Variants in JADE3 observed in about 807,000 individuals in gnomAD.
The protein encoded by JADE3 is jade family PHD finger 3.
Under a neutral mutation model 50.1 loss-of-function variants are expected in JADE3, and 2 were observed. That is an observed-to-expected ratio of 0.04 (90% CI 0.02 to 0.13). JADE3 has a LOEUF of 0.13. Among genes scored for constraint, JADE3 ranks in the 10% least tolerant of loss-of-function variants. The probability of loss-of-function intolerance (pLI) is 1.00; values close to 1 mark genes in which losing one functional copy is unlikely to be tolerated. For missense variants in JADE3, 475 were observed against 634.4 expected (o/e 0.75, Z 2.70); for synonymous variants, 218 against 232.9 (o/e 0.94, Z 0.58).
chrX:46,997,593 A>G (rs782589714), intron 3 of JADE3, among the ~76,000 whole-genome samples: 2 of 112,256 alleles, frequency 1.8e-5, no homozygotes, highest in East Asian at 5.6e-4. Context: ...AATTCTATAC[A>G]TTAGTTAATA....
rs57326068 is a variant in JADE3 at position 46,981,500 on chromosome X, C to T, written c.-11-3384C>T. On this transcript the variant is annotated intron_variant, in intron 1 of 10. Coordinates refer to ENST00000614628, the MANE Select transcript of JADE3 (RefSeq NM_014735.5). ...TTTAATAGGAAGTGTCTTGTTGTTA[C>T]TGTTGGTTTTGTTTGCGTTTCAGAA... Among the ~76,000 whole-genome samples the T allele has an allele frequency of 4.1e-3, 457 of 111,782 alleles. 15 individuals are homozygous for T. The East Asian group carries it at 0.11, about 28-fold the overall frequency.
chrX:47,058,139 T>TA (rs1556373738), intron 10 of JADE3, 28 bp from the exon 11 acceptor site: 1 of 1,164,759 alleles, frequency 8.6e-7, no homozygotes, highest in Non-Finnish European at 1.2e-6. Context: ...AATCGGTTGT[T>TA]AAAACGAATC....
intron 8 of JADE3, among the ~76,000 whole-genome samples, chrX:47,044,226 A>T (rs905180589): frequency 9.7e-6 from 1 of 103,184 alleles, no homozygotes; most frequent in Non-Finnish European, 2.0e-5. Context: ...ACCTCAAGAC[A>T]TGTAATAATC....
chrX:47,031,235 G>C (rs58928265), intron 6 of JADE3, among the ~76,000 whole-genome samples: 6,590 of 111,164 alleles, frequency 0.059, 474 homozygotes, highest in African/African-American at 0.2. Flanking sequence ...CAGTCTGAAA[G>C]AGACTCTATT....
rs1482491018 is a variant in JADE3 at position 47,011,806 on chromosome X, G to A, written c.285-12918G>A. On this transcript the variant is annotated intron_variant, in intron 4 of 10. Transcript: ENST00000614628. The stretch of plus-strand genomic sequence containing the variant: ...CTAATGATGTTGAACAGCTTTTCTC[G>A]ATGTCCTTCTTAGCCATTTATATAT... 5.4e-5 allele frequency among the ~76,000 whole-genome samples: 6 copies of A among 111,498 alleles called. No individual in the cohort carries two copies. In the South Asian group the frequency reaches 1.1e-3, roughly 21 times the overall value.
intron 4 of JADE3, among the ~76,000 whole-genome samples, chrX:47,000,695 G>C (rs994531819): frequency 9.0e-6 from 1 of 110,872 alleles, no homozygotes; most frequent in Non-Finnish European, 1.9e-5. Context: ...TGGGGTTACA[G>C]GCATGTGCCA....
intron 1 of JADE3, among the ~76,000 whole-genome samples, chrX:46,973,777 G>C (rs1283890994): frequency 2.7e-5 from 3 of 112,558 alleles, no homozygotes; most frequent in African/African-American, 9.7e-5. Context: ...TAGCATTCAT[G>C]ACTTCTATTT....
chrX:47,058,682 G>A lies in JADE3; in HGVS notation c.2077G>A (p.Val693Met). The change falls in exon 11 of 11, where the codon GTG becomes ATG. Residue 693 changes from valine (V) to methionine (M), a missense_variant. Coordinates refer to ENST00000614628, the MANE Select transcript of JADE3 (RefSeq NM_014735.5). ...SSEMFCDQEP[V>M]FSPHLVSQGS... ...TGAGATGTTCTGTGACCAGGAGCCT[G>A]TGTTCAGCCCCCACTTGGTCAGTCA... 1 of 1,211,658 alleles carries A rather than the reference G, an allele frequency of 8.3e-7. No individual in the cohort carries two copies. Among genetic ancestry groups the A allele is most frequent in the Non-Finnish European group, 1.1e-6 (1 of 895,449 alleles).
At chrX:46,928,739 A>G (rs1926427227) in intron 1 of JADE3, among the ~76,000 whole-genome samples, 2 of 111,144 alleles carry the variant, frequency 1.8e-5, no homozygotes, top group South Asian at 7.6e-4. Context: ...GCACACCACC[A>G]TGCCTAGCTA....
chrX:46,999,588 T>C (rs1445011865), intron 4 of JADE3, among the ~76,000 whole-genome samples: 3 of 108,135 alleles, frequency 2.8e-5, no homozygotes, highest in Non-Finnish European at 5.7e-5. Context: ...TGTAAATGCA[T>C]AAACCCAAAT....
At chrX:46,988,124 C>T (rs1332730658) in intron 3 of JADE3, among the ~76,000 whole-genome samples, 4 of 111,848 alleles carry the variant, frequency 3.6e-5, no homozygotes, top group Non-Finnish European at 5.6e-5. Context: ...AATTATGAGA[C>T]TCTCCTTGGA....
intron 1 of JADE3, among the ~76,000 whole-genome samples, chrX:46,965,293 T>G (rs1927344108): frequency 9.0e-6 from 1 of 111,489 alleles, no homozygotes; most frequent in South Asian, 3.8e-4. Context: ...ATGTTGCTTC[T>G]GTTCAGAGTG....
intron 8 of JADE3, among the ~76,000 whole-genome samples, chrX:47,046,260 C>CA (rs1556370638): frequency 1.8e-5 from 2 of 111,382 alleles, no homozygotes; most frequent in African/African-American, 6.5e-5. Flanking sequence ...CTATATATGC[C>CA]AACAAACTGG....
intron 1 of JADE3, among the ~76,000 whole-genome samples, chrX:46,969,607 C>T (rs1263819766): frequency 8.9e-5 from 10 of 112,061 alleles, no homozygotes; most frequent in Non-Finnish European, 1.9e-4. Context: ...GAGGCCAAGG[C>T]GGACAGATCA....
chrX:47,003,621 A>G (rs868932473), intron 4 of JADE3, among the ~76,000 whole-genome samples: 1 of 101,112 alleles, frequency 9.9e-6, no homozygotes, highest in African/African-American at 3.6e-5. Context: ...ATATATATAA[A>G]TTTATATATT....
intron 1 of JADE3, among the ~76,000 whole-genome samples, chrX:46,943,644 C>G (rs1452467373): frequency 9.0e-6 from 1 of 111,552 alleles, no homozygotes; most frequent in African/African-American, 3.3e-5. Flanking sequence ...TTTTTGTCTA[C>G]CTTCATCAGG....
chrX:46,946,348 T>C (rs1254211791), intron 1 of JADE3, among the ~76,000 whole-genome samples: 2 of 111,251 alleles, frequency 1.8e-5, no homozygotes, highest in African/African-American at 6.6e-5. Context: ...GTTGGCAGGA[T>C]GGGGGTGGGG....
intron 1 of JADE3, among the ~76,000 whole-genome samples, chrX:46,952,953 G>A (rs1352774050): frequency 9.1e-6 from 1 of 109,621 alleles, no homozygotes; most frequent in East Asian, 2.9e-4. Flanking sequence ...AGCCAATATC[G>A]CTGCAGTCCA....
intron 8 of JADE3, among the ~76,000 whole-genome samples, chrX:47,048,020 A>G (rs782408424): frequency 2.1e-4 from 24 of 111,861 alleles, no homozygotes; most frequent in Non-Finnish European, 4.3e-4. Context: ...GCAGCAATGT[A>G]TAATACACAT....
Sources: allele counts gnomAD v4.1 joint callset (sites outside exome capture counted in the v4.1 genomes callset), GRCh38; gene constraint gnomAD v4.1.1; transcripts MANE v1.5; gene names NCBI Gene and HGNC (gene_info 2026-07-23, HGNC 2026-07-21).